Variants in POLN observed in about 807,000 individuals in gnomAD.
POLN encodes the protein DNA polymerase nu.
POLN carries 108 observed loss-of-function variants against 113.5 expected under a neutral mutation model. That is an observed-to-expected ratio of 0.95 (90% CI 0.81 to 1.12). POLN has a LOEUF of 1.12. Among genes scored for constraint, POLN ranks in the 50% most tolerant of loss-of-function variants. The pLI, the probability that POLN is intolerant of heterozygous loss-of-function variation, is 0.00. For missense variants in POLN, 1,097 were observed against 1,077.1 expected (o/e 1.02, Z -0.26); for synonymous variants, 386 against 391.5 (o/e 0.99, Z 0.17).
At chr4:2,121,013 T>C (rs577873108) in intron 19 of POLN, among the ~76,000 whole-genome samples, 55 of 152,298 alleles carry the variant, frequency 3.6e-4, no homozygotes, top group African/African-American at 1.2e-3. Context: ...AGAGGGACAG[T>C]TTTATTTCTT....
chr4:2,141,758 G>A (rs1732006738), intron 16 of POLN, among the ~76,000 whole-genome samples: 1 of 152,172 alleles, frequency 6.6e-6, no homozygotes, highest in Admixed American at 6.5e-5. Flanking sequence ...CATACCAGGG[G>A]AGTGCAGGAC....
rs559599741 is a variant in POLN, at chr4:2,105,097, C to T, written c.1983-9164G>A. Reference sequence around the variant, plus strand: ...TCCACATGGGTGCAGCAGAGATGTCCCAGGCTCAACAAATTTGCGACTGAA... The same window carrying T: ...TCCACATGGGTGCAGCAGAGATGTCTCAGGCTCAACAAATTTGCGACTGAA... On this transcript the variant is annotated intron_variant, in intron 19 of 25. Coordinates refer to ENST00000511885, the MANE Select transcript of POLN (RefSeq NM_181808.4). Among the ~76,000 whole-genome samples, 9 of 152,240 alleles carry T rather than the reference C, an allele frequency of 5.9e-5. No individual in the cohort carries two copies. The South Asian group carries it at 1.9e-3, about 32-fold the overall frequency.
At position 2,169,149 on chromosome 4, in the gene POLN, G is replaced by C. The variant is rs57146452; in HGVS notation, c.1554+1530C>G. 5.1e-3 allele frequency among the ~76,000 whole-genome samples: 784 copies of C among 152,310 alleles called. 7 individuals are homozygous for C. The highest frequency in any genetic ancestry group is 0.017 in the African/African-American group (698 of 41,576). On this transcript the variant is annotated intron_variant, in intron 13 of 25. Transcript: ENST00000511885. ...CAGGCAGCTCAGCAGGCGCTGGAGT[G>C]GGGGGAGAGAGGAGGTGCCGGGCCA... is the stretch of plus-strand genomic sequence containing the variant.
intron 7 of POLN, among the ~76,000 whole-genome samples, chr4:2,187,163 T>C (rs1733296460): frequency 6.6e-6 from 1 of 152,186 alleles, no homozygotes; most frequent in Non-Finnish European, 1.5e-5. Flanking sequence ...GTGTTCAAGA[T>C]GAAGCAGAGC....
intron 3 of POLN, among the ~76,000 whole-genome samples, chr4:2,225,416 A>G (rs778608861): frequency 6.6e-6 from 1 of 151,720 alleles, no homozygotes; most frequent in African/African-American, 2.4e-5. Flanking sequence ...TTAGCCAGGC[A>G]TGGTGGTGGG....
intron 23 of POLN, chr4:2,080,716 G>A (rs1283200754): frequency 1.0e-5 from 14 of 1,404,176 alleles, no homozygotes; most frequent in Non-Finnish European, 1.0e-5. Flanking sequence ...GGAGGGGTCT[G>A]GGGGAGACAG....
At chr4:2,092,025 G>C (rs1238157272) in intron 20 of POLN, among the ~76,000 whole-genome samples, 2 of 152,150 alleles carry the variant, frequency 1.3e-5, no homozygotes, top group African/African-American at 2.4e-5. Context: ...AACTCAGCTC[G>C]GGTGTTGCTG....
chr4:2,165,285 G>A (rs899612656), intron 13 of POLN, among the ~76,000 whole-genome samples: 3 of 152,180 alleles, frequency 2.0e-5, no homozygotes, highest in Non-Finnish European at 4.4e-5. Flanking sequence ...AGACATGGAA[G>A]AAACTTAAGT....
At chr4:2,113,948 G>T (rs1731259679) in intron 19 of POLN, among the ~76,000 whole-genome samples, 1 of 150,244 alleles carries the variant, frequency 6.7e-6, no homozygotes, top group African/African-American at 2.4e-5. Context: ...CACCCAGTCT[G>T]AAGTGCAATG....
intron 16 of POLN, among the ~76,000 whole-genome samples, chr4:2,144,375 C>T (rs1469423857): frequency 2.0e-5 from 3 of 151,868 alleles, no homozygotes; most frequent in Admixed American, 2.0e-4. Flanking sequence ...GAACTCCTGA[C>T]CTTGTGATCT....
chr4:2,177,807 G>A (rs1313174102), intron 8 of POLN, among the ~76,000 whole-genome samples: 1 of 152,220 alleles, frequency 6.6e-6, no homozygotes, highest in East Asian at 1.9e-4. Context: ...CCCTGGTGGG[G>A]TGTAGACACA....
intron 5 of POLN, among the ~76,000 whole-genome samples, chr4:2,206,946 C>A (rs896429426): frequency 6.6e-6 from 1 of 152,170 alleles, no homozygotes; most frequent in African/African-American, 2.4e-5. Context: ...GATACTTGCA[C>A]GTGCATGGTT....
intron 19 of POLN, among the ~76,000 whole-genome samples, chr4:2,096,941 T>C (rs926859246): frequency 6.6e-6 from 1 of 152,196 alleles, no homozygotes; most frequent in Non-Finnish European, 1.5e-5. Context: ...TCTCTGCGCA[T>C]GTATGGTGCT....
intron 3 of POLN, among the ~76,000 whole-genome samples, chr4:2,225,980 C>T (rs1310356715): frequency 3.3e-5 from 5 of 151,922 alleles, no homozygotes; most frequent in Non-Finnish European, 5.9e-5. Context: ...CAGAGCAAGA[C>T]CCTGTCTCGA....
chr4:2,101,418 G>A (rs1054367068), intron 19 of POLN, among the ~76,000 whole-genome samples: 1 of 152,196 alleles, frequency 6.6e-6, no homozygotes, highest in Admixed American at 6.5e-5. Flanking sequence ...CACAATCTAG[G>A]AAGAAGGAAA....
At chr4:2,073,909 C>A (rs554347966) in intron 24 of POLN, among the ~76,000 whole-genome samples, 1 of 152,320 alleles carries the variant, frequency 6.6e-6, no homozygotes, top group East Asian at 1.9e-4. Context: ...AGCCGGTCAC[C>A]GTCTGCAGGG....
intron 2 of POLN, among the ~76,000 whole-genome samples, chr4:2,234,967 A>G (rs929100375): frequency 2.6e-5 from 4 of 152,078 alleles, no homozygotes; most frequent in African/African-American, 9.7e-5. Flanking sequence ...CTCACTGCAA[A>G]CTTTGCCTCC....
At chr4:2,182,801 A>C (rs1357286161) in intron 7 of POLN, among the ~76,000 whole-genome samples, 1 of 148,820 alleles carries the variant, frequency 6.7e-6, no homozygotes, top group East Asian at 2.0e-4. Context: ...TAACAAAAGA[A>C]AACACAAATA....
intron 7 of POLN, among the ~76,000 whole-genome samples, chr4:2,188,107 C>T (rs1196815264): frequency 6.6e-6 from 1 of 152,006 alleles, no homozygotes; most frequent in African/African-American, 2.4e-5. Context: ...CAGAGTGAGA[C>T]CCCATCTCCC....
Sources: gnomAD v4.1 joint callset for allele counts (sites outside exome capture counted in the v4.1 genomes callset) on GRCh38, gnomAD v4.1.1 for gene constraint, MANE v1.5 for transcripts, NCBI Gene and HGNC (gene_info 2026-07-23, HGNC 2026-07-21) for gene names.